Variants in ARHGEF18 observed in about 807,000 individuals in gnomAD.
ARHGEF18 encodes the protein rho guanine nucleotide exchange factor 18.
Under a neutral mutation model 155.7 loss-of-function variants are expected in ARHGEF18, and 93 were observed. That is an observed-to-expected ratio of 0.60 (90% CI 0.50 to 0.71). The LOEUF (loss-of-function observed/expected upper bound fraction) is 0.71. Ranked by LOEUF, ARHGEF18 falls within the 30% of genes least tolerant of loss-of-function variation. The pLI is 0.00. For synonymous variants in ARHGEF18, 742 were observed against 753.1 expected (o/e 0.99, Z 0.24); for missense variants, 1,593 against 1,816.1 (o/e 0.88, Z 2.23).
intron 1 of ARHGEF18, among the ~76,000 whole-genome samples, chr19:7,360,948 G>A (rs1466010907): frequency 6.6e-6 from 1 of 152,152 alleles, no homozygotes; most frequent in African/African-American, 2.4e-5. Flanking sequence ...GGCATTGCTC[G>A]TTACTGTCCA....
At chr19:7,454,305 G>C (rs1975694668) in intron 17 of ARHGEF18, among the ~76,000 whole-genome samples, 1 of 152,094 alleles carries the variant, frequency 6.6e-6, no homozygotes, top group Non-Finnish European at 1.5e-5. Flanking sequence ...CACCATCTTA[G>C]ATCACTGGGT....
chr19:7,452,011 C>T (rs1258636075), intron 16 of ARHGEF18, among the ~76,000 whole-genome samples: 1 of 152,170 alleles, frequency 6.6e-6, no homozygotes, highest in Non-Finnish European at 1.5e-5. Flanking sequence ...CATGAGCCAC[C>T]ATGCCACGCC....
intron 17 of ARHGEF18, 103 bp downstream of exon 17, chr19:7,453,818 A>G: frequency 4.3e-6 from 6 of 1,394,674 alleles, no homozygotes; most frequent in Non-Finnish European, 5.6e-6. Flanking sequence ...ACCATCTTGT[A>G]TCAGTGGGTA....
At chr19:7,437,765 T>C (rs1974353201) in intron 10 of ARHGEF18, among the ~76,000 whole-genome samples, 1 of 151,310 alleles carries the variant, frequency 6.6e-6, no homozygotes, top group Non-Finnish European at 1.5e-5. Flanking sequence ...TGCCTCAGCC[T>C]CCCGAGTAGC....
intron 10 of ARHGEF18, among the ~76,000 whole-genome samples, chr19:7,396,756 A>G (rs1971734777): frequency 1.3e-5 from 2 of 151,238 alleles, no homozygotes; most frequent in African/African-American, 4.9e-5. Context: ...TTGAGGTCAG[A>G]TCCGAGCTGG....
At chr19:7,391,178 GA>G (rs1475023807) in intron 10 of ARHGEF18, among the ~76,000 whole-genome samples, 1 of 152,190 alleles carries the variant, frequency 6.6e-6, no homozygotes, top group African/African-American at 2.4e-5. Flanking sequence ...AGCAGGCTGA[GA>G]AAAGTCCTCC....
At chr19:7,378,510 G>A in intron 6 of ARHGEF18, 59 bp downstream of exon 6, 1 of 1,218,640 alleles carries the variant, frequency 8.2e-7, no homozygotes, top group Non-Finnish European at 1.0e-6. Context: ...CAAAGTCAGG[G>A]CTGCGGGAGG....
rs929460957 is a variant in ARHGEF18 at position 7,463,826 on chromosome 19, A to G, written c.2644A>G (p.Ile882Val). The change falls in exon 22 of 29, where the codon ATC becomes GTC. Residue 882 changes from isoleucine to valine, a missense_variant. Physicochemically the swap from Ile to Val is conservative, Grantham distance 29. Coordinates refer to ENST00000668164, the MANE Select transcript of ARHGEF18 (RefSeq NM_001367823.1). This position sits in a 1 kb window ranked among gnomAD's most constrained non-coding sequence, Gnocchi z 5.2. ...LKSAMSEIEG[I>V]QSLICRQLGS... is the part of the protein sequence containing the mutation. ...TCCCCTTCCTTCCACAGTCGAGGGC[A>G]TCCAGAGCCTGATCTGCAGGCAGCT... is the stretch of plus-strand genomic sequence containing the variant. 3 of 1,607,140 alleles carry G rather than the reference A, an allele frequency of 1.9e-6. No homozygotes were observed. The highest frequency in any genetic ancestry group is 2.5e-6 in the Non-Finnish European group (3 of 1,177,460).
At chr19:7,355,070 A>ACT (rs1422959022) in intron 1 of ARHGEF18, among the ~76,000 whole-genome samples, 1 of 366 alleles carries the variant, frequency 2.7e-3, no homozygotes, top group African/African-American at 5.4e-3. Flanking sequence ...AATGGGCTTC[A>ACT]CACACACACA....
Position 7,462,379 on chromosome 19 carries a change from G to A in ARHGEF18, c.2635+45G>A. ...CTCAAGGGTGCAGTCTTGCCGGGGT[G>A]GGCTCCTCAGGGAACCCCAGGCCAG... On this transcript the variant is annotated intron_variant, in intron 21 of 28. Transcript: ENST00000668164. The surrounding 1 kb of genome is among the most constrained non-coding windows in gnomAD (Gnocchi z 4.4). The A allele has an allele frequency of 2.0e-6, 3 of 1,518,106 alleles. No homozygotes were observed. Among genetic ancestry groups the A allele is most frequent in the Non-Finnish European group, 2.6e-6 (3 of 1,136,786 alleles). The allele number at this position is 1,518,106 out of a possible 1,614,324, so 94.0% of individuals were successfully genotyped here. A position where few individuals can be genotyped will look rare whatever the true frequency, so the allele number is the denominator to read the frequency against.
chr19:7,454,526 T>TGCCTTCTTGGATCAGTGGGC (rs1975706216), intron 17 of ARHGEF18, among the ~76,000 whole-genome samples: 1 of 151,814 alleles, frequency 6.6e-6, no homozygotes, highest in Non-Finnish European at 1.5e-5. Flanking sequence ...GATCAGTGGG[T>TGCCTTCTTGGATCAGTGGGC]GCCCTCTTGG....
rs1372017104 is a variant in ARHGEF18, at chr19:7,470,830, CCAAA to C, written c.*535_*538del. The C allele has an allele frequency of 2.5e-6, 1 of 401,140 alleles. No individual in the cohort carries two copies. Among genetic ancestry groups the C allele is most frequent in the East Asian group, 3.6e-5 (1 of 28,066 alleles). 24.8% of individuals were successfully genotyped at this position (401,140 alleles called of 1,614,324 possible). ...CCCAGAATCAGGCAGAATCCACTTC[CCAAA>C]CAGAGCCCCACGCAGGTTCACCATG... On this transcript the variant is annotated 3_prime_UTR_variant, in exon 29 of 29. Transcript: ENST00000668164. The surrounding 1 kb of genome is among the most constrained non-coding windows in gnomAD (Gnocchi z 5.9).
At chr19:7,384,705 T>C (rs913420924) in intron 10 of ARHGEF18, among the ~76,000 whole-genome samples, 1 of 151,572 alleles carries the variant, frequency 6.6e-6, no homozygotes, top group Non-Finnish European at 1.5e-5. Context: ...TTTTTTTTTT[T>C]TTTTGCGACA....
At chr19:7,419,353 C>G (rs1237697465) in intron 10 of ARHGEF18, among the ~76,000 whole-genome samples, 1 of 151,260 alleles carries the variant, frequency 6.6e-6, no homozygotes, top group East Asian at 2.0e-4. Context: ...CCCCCGCACC[C>G]CAGATGCGCC....
At position 7,440,482 on chromosome 19, in the gene ARHGEF18, G is replaced by A. The variant is rs754348870; in HGVS notation, c.1106G>A (p.Gly369Glu). ...CCGGCTGGCCCTGGGACGCAACTCG[G>A]GTAAGCCAGGGTCCCCTCTGTGCCC... The part of the protein sequence containing the change: ...PSPAGPGTQL[G>E]PITGEMDEAD... The change falls in exon 11 of 29, where the codon GGA (glycine) becomes GAA (glutamate). Residue 369 changes from glycine to glutamate, a missense_variant and splice_region_variant. By Grantham distance (98) the Gly-to-Glu change is moderately conservative. Transcript: ENST00000668164. This position sits in a 1 kb window ranked among gnomAD's most constrained non-coding sequence, Gnocchi z 5.4. 1.4e-5 allele frequency: 23 copies of A among 1,595,444 alleles called. No individual in the cohort carries two copies. The highest frequency in any genetic ancestry group is 1.7e-4 in the Middle Eastern group (1 of 5,954).
At chr19:7,377,609 C>A (rs1210758454) in intron 5 of ARHGEF18, among the ~76,000 whole-genome samples, 1 of 151,814 alleles carries the variant, frequency 6.6e-6, no homozygotes. Context: ...CATGGCGAAA[C>A]CTTGTCTCTA....
At position 7,451,260 on chromosome 19, in the gene ARHGEF18, A is replaced by C. The variant is rs1975440818; in HGVS notation, c.1849A>C (p.Thr617Pro). Residue 617 changes from threonine (T) to proline (P), a missense_variant, in exon 16 of 29, where the codon ACG becomes CCG. Transcript: ENST00000668164. ...PVLVERIIQNTEAGTEDYEDL... is the reference protein window; with the variant it reads ...PVLVERIIQNPEAGTEDYEDL... ...GCTGGTGGAGCGCATCATCCAGAAC[A>C]CGGAAGGTAGGCCTTCTCCCCACTG... 1 of 1,613,446 alleles carries C rather than the reference A, an allele frequency of 6.2e-7. No homozygotes were observed. Among genetic ancestry groups the C allele is most frequent in the Non-Finnish European group, 8.5e-7 (1 of 1,179,866 alleles).
At chr19:7,459,374 C>T (rs1007349664) in intron 19 of ARHGEF18, among the ~76,000 whole-genome samples, 1 of 152,184 alleles carries the variant, frequency 6.6e-6, no homozygotes, top group Non-Finnish European at 1.5e-5. Flanking sequence ...GCATACACCA[C>T]CACACCCAGC....
At chr19:7,379,211 C>CA (rs1485157125) in intron 7 of ARHGEF18, 45 bp downstream of exon 7, 10 of 1,226,744 alleles carry the variant, frequency 8.2e-6, no homozygotes, top group Non-Finnish European at 9.1e-6. Context: ...AAGTGGGAGA[C>CA]AAAAGCAGGA....
Sources: gnomAD v4.1 joint callset for allele counts (sites outside exome capture counted in the v4.1 genomes callset) on GRCh38, gnomAD v4.1.1 for gene constraint, Gnocchi (gnomAD v3.1) non-coding constraint, MANE v1.5 for transcripts, NCBI Gene and HGNC (gene_info 2026-07-23, HGNC 2026-07-21) for gene names.